ANKRD26: variants seen among roughly 807,000 people sequenced by gnomAD.
The protein encoded by ANKRD26 is ankyrin repeat domain-containing protein 26.
In ANKRD26, 141 loss-of-function variants were observed where a neutral mutation model predicts 208.7. The ratio of observed to expected loss-of-function variants is 0.68; its 90% CI spans 0.59 to 0.78. ANKRD26 has a LOEUF of 0.78. Among genes scored for constraint, ANKRD26 ranks in the 30% least tolerant of loss-of-function variants. The pLI is 0.00. For missense variants in ANKRD26, 1,889 were observed against 1,938.7 expected (o/e 0.97, Z 0.48); for synonymous variants, 636 against 660.4 (o/e 0.96, Z 0.57).
intron 9 of ANKRD26, among the ~76,000 whole-genome samples, chr10:27,071,159 ATTTTTTTT>A (rs71386906): frequency 2.3e-3 from 199 of 85,872 alleles, no homozygotes; most frequent in Admixed American, 4.0e-3. Flanking sequence ...TGCTACATTC[ATTTTTTTT>A]TTTTTTTTTT....
intron 4 of ANKRD26, among the ~76,000 whole-genome samples, chr10:27,091,984 TA>T (rs3060811): frequency 0.11 from 15,265 of 139,384 alleles, 2,436 homozygotes; most frequent in African/African-American, 0.36. Context: ...AGACTCCATG[TA>T]AAAAAAAAAA....
intron 27 of ANKRD26, among the ~76,000 whole-genome samples, chr10:27,026,504 A>G (rs572610842): frequency 6.5e-4 from 99 of 152,286 alleles, no homozygotes; most frequent in Non-Finnish European, 1.3e-3. Flanking sequence ...AAACTTGTCA[A>G]TGTTTCTTCT....
chr10:27,081,076 G>C (rs1237354554), intron 6 of ANKRD26: 2 of 349,610 alleles, frequency 5.7e-6, no homozygotes, highest in Non-Finnish European at 7.7e-6. Context: ...ACTGGCTGTA[G>C]AGACTCTTCC....
intron 9 of ANKRD26, among the ~76,000 whole-genome samples, chr10:27,076,375 G>A (rs556292037): frequency 6.6e-6 from 1 of 151,536 alleles, no homozygotes; most frequent in South Asian, 2.1e-4. Context: ...TGATTCTCCT[G>A]CCTCAGCCTC....
intron 5 of ANKRD26, among the ~76,000 whole-genome samples, chr10:26,992,511 G>C (rs200198516): frequency 4.9e-5 from 6 of 123,518 alleles, no homozygotes; most frequent in South Asian, 2.7e-4. Context: ...CACACACAGA[G>C]AGAAAAAGAG....
At position 27,037,058 on chromosome 10, in the gene ANKRD26, G is replaced by A. The variant is rs571573501; in HGVS notation, c.2697+128C>T. 169 of 902,970 alleles carry A rather than the reference G, an allele frequency of 1.9e-4. 1 individual carries two copies. Among genetic ancestry groups the A allele is most frequent in the Middle Eastern group, 3.5e-4 (1 of 2,874 alleles). 55.9% of individuals were successfully genotyped at this position (902,970 alleles called of 1,614,324 possible). A position where few individuals can be genotyped will look rare whatever the true frequency, so the allele number is the denominator to read the frequency against. On this transcript the variant is annotated intron_variant, in intron 23 of 33. Transcript: ENST00000376087. ...ACCAAAAACACTACCACTACCCCAA[G>A]ATACACATATATGGTTTAAAAATCC...
chr10:27,057,454 A>G (rs1023443851), intron 15 of ANKRD26, among the ~76,000 whole-genome samples: 1 of 152,074 alleles, frequency 6.6e-6, no homozygotes, highest in Non-Finnish European at 1.5e-5. Flanking sequence ...TTTATGTCTA[A>G]CCATTTTAGG....
At chr10:26,968,534 C>T in the ANKRD26 span, among the ~76,000 whole-genome samples, 158 of 152,304 alleles carry the variant, frequency 1.0e-3, no homozygotes, top group African/African-American at 3.6e-3. Context: ...TCAGTAGGTA[C>T]GGACAAATTA....
At chr10:27,046,574 G>A in intron 17 of ANKRD26, 51 bp from the exon 18 acceptor site, 1 of 1,548,220 alleles carries the variant, frequency 6.5e-7, no homozygotes, top group Non-Finnish European at 8.9e-7. Context: ...AAGAAAAAAA[G>A]AAACAACATG....
At chr10:26,972,152 G>T (rs1021375542), downstream of ANKRD26, among the ~76,000 whole-genome samples, 2 of 151,118 alleles carry the variant, frequency 1.3e-5, no homozygotes, top group Admixed American at 6.6e-5. Flanking sequence ...GGAGAATGGC[G>T]TGATCCCGGG....
At chr10:27,075,875 TA>T (rs944045190) in intron 9 of ANKRD26, among the ~76,000 whole-genome samples, 6 of 152,154 alleles carry the variant, frequency 3.9e-5, no homozygotes, top group Non-Finnish European at 5.9e-5. Context: ...TAATAAATTT[TA>T]AAAAACTGAA....
rs1296737310 is a variant in ANKRD26 at position 27,027,914 on chromosome 10, T to C, written c.3972+938A>G. The stretch of plus-strand genomic sequence containing the variant: ...TCAACATACTTCAGATTTTGAATTT[T>C]ATCTTTTCCCAGGCTAGCAATATGT... On this transcript the variant is annotated intron_variant, in intron 27 of 33. Transcript: ENST00000376087. Among the ~76,000 whole-genome samples the C allele has an allele frequency of 2.4e-4, 36 of 152,208 alleles. 1 individual carries two copies. The highest frequency in any genetic ancestry group is 2.4e-3 in the Admixed American group (36 of 15,292).
At chr10:27,046,595 G>C in intron 17 of ANKRD26, 72 bp from the exon 18 acceptor site, 4 of 1,410,340 alleles carry the variant, frequency 2.8e-6, no homozygotes, top group Non-Finnish European at 3.9e-6. Flanking sequence ...CAGAAAGAGA[G>C]TTAAGGAAAA....
chr10:27,072,407 A>G (rs990878474), intron 9 of ANKRD26, among the ~76,000 whole-genome samples: 6 of 152,272 alleles, frequency 3.9e-5, no homozygotes, highest in African/African-American at 7.2e-5. Flanking sequence ...CTGATCCCCA[A>G]TGGGGCCGCT....
intron 20 of ANKRD26, among the ~76,000 whole-genome samples, chr10:27,040,558 A>G (rs1206023906): frequency 6.6e-6 from 1 of 152,146 alleles, no homozygotes; most frequent in East Asian, 1.9e-4. Context: ...GCAAATGGGG[A>G]AGAAAAGCAT....
intron 29 of ANKRD26, among the ~76,000 whole-genome samples, chr10:27,021,812 T>C (rs2053500013): frequency 6.6e-6 from 1 of 152,204 alleles, no homozygotes; most frequent in Non-Finnish European, 1.5e-5. Flanking sequence ...GTTGAGCTTT[T>C]TATCATGTTT....
At chr10:26,947,889 TC>T in the ANKRD26 span, among the ~76,000 whole-genome samples, 2 of 152,198 alleles carry the variant, frequency 1.3e-5, no homozygotes, top group Non-Finnish European at 2.9e-5. Context: ...TAATAACAAT[TC>T]TAAGTAAGAA....
At chr10:27,001,574 G>A (rs1463555676), downstream of ANKRD26, among the ~76,000 whole-genome samples, 9 of 152,156 alleles carry the variant, frequency 5.9e-5, no homozygotes, top group Middle Eastern at 3.2e-3. Context: ...AAACTGGTTA[G>A]GGCTAGGTGT....
chr10:27,059,773 G>T (rs1158068540), intron 15 of ANKRD26, among the ~76,000 whole-genome samples: 5 of 151,614 alleles, frequency 3.3e-5, no homozygotes, highest in Non-Finnish European at 7.4e-5. Flanking sequence ...AGCCGGGCAT[G>T]GTGGTGTGTG....
Sources: allele counts gnomAD v4.1 joint callset (sites outside exome capture counted in the v4.1 genomes callset), GRCh38; gene constraint gnomAD v4.1.1; transcripts MANE v1.5; gene names NCBI Gene and HGNC (gene_info 2026-07-23, HGNC 2026-07-21).